HIGD1C: variants seen among roughly 807,000 people sequenced by gnomAD.
The protein encoded by HIGD1C is HIG1 domain family member 1C.
In HIGD1C, 11 loss-of-function variants were observed where a neutral mutation model predicts 13.1. That is an observed-to-expected ratio of 0.84 (90% confidence interval 0.53 to 1.39). The LOEUF is 1.39. HIGD1C is among the 40% of genes most tolerant of loss of function. The pLI, the probability that HIGD1C is intolerant of heterozygous loss-of-function variation, is 0.00. For synonymous variants in HIGD1C, 36 were observed against 37.7 expected (o/e 0.95, Z 0.17); for missense variants, 110 against 112.0 (o/e 0.98, Z 0.08).
chr12:50,963,463 C>A (rs1939425329), intron 2 of HIGD1C, among the ~76,000 whole-genome samples: 1 of 150,918 alleles, frequency 6.6e-6, no homozygotes, highest in Non-Finnish European at 1.5e-5. Context: ...GAACAATACA[C>A]AGGACAGACT....
intron 2 of HIGD1C, among the ~76,000 whole-genome samples, chr12:50,969,014 G>A (rs762472372): frequency 4.6e-5 from 7 of 152,006 alleles, no homozygotes; most frequent in Non-Finnish European, 8.8e-5. Flanking sequence ...GCACAGTTTA[G>A]CTGGGCACGG....
At chr12:50,938,163 G>A in the HIGD1C span, among the ~76,000 whole-genome samples, 1 of 152,004 alleles carries the variant, frequency 6.6e-6, no homozygotes. Context: ...AGGGGTGCCT[G>A]CAGGCCCCTT....
upstream of HIGD1C, among the ~76,000 whole-genome samples, chr12:50,952,598 G>A (rs1403925245): frequency 1.3e-5 from 2 of 152,144 alleles, no homozygotes; most frequent in Non-Finnish European, 2.9e-5. Flanking sequence ...GCCCCACTCA[G>A]GTCTCACACA....
At chr12:50,955,511 A>G (rs1279276982) in intron 1 of HIGD1C, among the ~76,000 whole-genome samples, 3 of 152,166 alleles carry the variant, frequency 2.0e-5, no homozygotes, top group Admixed American at 6.6e-5. Context: ...AACTATTAAA[A>G]TAGTTTACTT....
chr12:50,967,605 G>A (rs180768480), intron 2 of HIGD1C, among the ~76,000 whole-genome samples: 1 of 152,254 alleles, frequency 6.6e-6, no homozygotes. Context: ...AAACTATTTT[G>A]CTACTAAATG....
chr12:50,964,544 GA>G (rs1939469340), intron 2 of HIGD1C, among the ~76,000 whole-genome samples: 1 of 152,188 alleles, frequency 6.6e-6, no homozygotes, highest in African/African-American at 2.4e-5. Context: ...GTGTAATGAA[GA>G]GATGATCAAG....
the HIGD1C span, among the ~76,000 whole-genome samples, chr12:50,943,787 C>T: frequency 6.6e-6 from 1 of 152,082 alleles, no homozygotes; most frequent in South Asian, 2.1e-4. Flanking sequence ...TCTCACCTTT[C>T]CAGTGGGCTC....
At chr12:50,959,255 G>A (rs1939231447) in intron 1 of HIGD1C, among the ~76,000 whole-genome samples, 1 of 151,840 alleles carries the variant, frequency 6.6e-6, no homozygotes, top group Admixed American at 6.6e-5. Context: ...GAGTAGCTGG[G>A]ATTACAGGCA....
At chr12:50,949,968 G>A (rs74092356), upstream of HIGD1C, among the ~76,000 whole-genome samples, 1,361 of 152,214 alleles carry the variant, frequency 8.9e-3, 23 homozygotes, top group African/African-American at 0.03. Flanking sequence ...AATCAATCAC[G>A]GTTTCTTTGT....
At chr12:50,951,347 G>C (rs1245667242), upstream of HIGD1C, among the ~76,000 whole-genome samples, 1 of 152,052 alleles carries the variant, frequency 6.6e-6, no homozygotes, top group Non-Finnish European at 1.5e-5. Context: ...ACACAGAATG[G>C]GGCAATGGCA....
the HIGD1C span, among the ~76,000 whole-genome samples, chr12:50,947,502 T>C: frequency 6.6e-6 from 1 of 152,172 alleles, no homozygotes; most frequent in African/African-American, 2.4e-5. Flanking sequence ...TTGATTCTCC[T>C]ACCTTCCACC....
At chr12:50,952,877 CT>C (rs1209093600), upstream of HIGD1C, among the ~76,000 whole-genome samples, 3 of 152,192 alleles carry the variant, frequency 2.0e-5, no homozygotes, top group African/African-American at 7.2e-5. Context: ...CCTGTGCCCT[CT>C]TTCCCCTCAA....
the HIGD1C span, among the ~76,000 whole-genome samples, chr12:50,947,149 G>A: frequency 1.2e-4 from 19 of 152,166 alleles, no homozygotes; most frequent in East Asian, 1.9e-3. Flanking sequence ...TCTGTGACAC[G>A]TCCACCCTTT....
intron 1 of HIGD1C, among the ~76,000 whole-genome samples, chr12:50,955,944 A>AATAACC (rs1368820378): frequency 2.0e-5 from 3 of 152,252 alleles, no homozygotes; most frequent in Non-Finnish European, 2.9e-5. Context: ...GTTTCCAGCT[A>AATAACC]AATTCAATTA....
chr12:50,939,219 C>T, the HIGD1C span, among the ~76,000 whole-genome samples: 1 of 152,226 alleles, frequency 6.6e-6, no homozygotes, highest in Non-Finnish European at 1.5e-5. Context: ...GCGATCTTGG[C>T]TCACTGCAAC....
chr12:50,967,916 T>A (rs1251241184), intron 2 of HIGD1C, among the ~76,000 whole-genome samples: 1 of 152,038 alleles, frequency 6.6e-6, no homozygotes. Context: ...GCGAATACCC[T>A]ATCTCTACAA....
At chr12:50,955,279 A>G (rs1228984054) in intron 1 of HIGD1C, among the ~76,000 whole-genome samples, 4 of 152,174 alleles carry the variant, frequency 2.6e-5, no homozygotes, top group African/African-American at 9.7e-5. Context: ...GAGAGATACT[A>G]TAATTAGATC....
downstream of HIGD1C, among the ~76,000 whole-genome samples, chr12:50,971,245 C>A (rs535090263): frequency 5.3e-5 from 8 of 150,912 alleles, no homozygotes; most frequent in Non-Finnish European, 8.8e-5. Context: ...CCAAATAGGG[C>A]AAAGTAATTA....
At position 50,959,908 on chromosome 12, in the gene HIGD1C, C is replaced by T. The variant is rs565096433; in HGVS notation, c.95-1060C>T. On this transcript the variant is annotated intron_variant, in intron 1 of 2. Transcript: ENST00000398455. ...CAAGTGATCCACCCGCCTCAACCTC[C>T]CAAAGTGCTGGGATTACAGGCATGA... Among the ~76,000 whole-genome samples the T allele has an allele frequency of 7.9e-5, 12 of 152,338 alleles. No homozygotes were observed. In the South Asian group the frequency reaches 2.5e-3, roughly 32 times the overall value.
Sources: gnomAD v4.1 joint callset for allele counts (sites outside exome capture counted in the v4.1 genomes callset) on GRCh38, gnomAD v4.1.1 for gene constraint, MANE v1.5 for transcripts, NCBI Gene and HGNC (gene_info 2026-07-23, HGNC 2026-07-21) for gene names.